The following ASCC2 variants were observed in gnomAD, a reference collection of about 807,000 sequenced individuals.
ASCC2 encodes ASC-1 complex subunit P100.
Under a neutral mutation model 93.5 loss-of-function variants are expected in ASCC2, and 42 were observed. The ratio of observed to expected loss-of-function variants is 0.45; its 90% confidence interval spans 0.35 to 0.58. The LOEUF (loss-of-function observed/expected upper bound fraction) is 0.58, where lower values mean the gene tolerates loss of function less well. Ranked by LOEUF, ASCC2 falls within the 20% of genes least tolerant of loss-of-function variation. The pLI is 0.00. For synonymous variants in ASCC2, 364 were observed against 384.2 expected, an observed-to-expected ratio of 0.95 and a Z score of 0.62; for missense variants, 859 against 977.6, an observed-to-expected ratio of 0.88 and a Z score of 1.62.
intron 8 of ASCC2, 113 bp downstream of exon 8, chr22:29,813,317 G>A (rs2060489290): frequency 1.3e-6 from 1 of 757,402 alleles, no homozygotes; most frequent in African/African-American, 1.7e-5. Flanking sequence ...CAGGCTGGAA[G>A]AGGGACTGGT....
chr22:29,792,670 C>T, intron 17 of ASCC2, 135 bp from the exon 18 acceptor site: 2 of 1,244,358 alleles, frequency 1.6e-6, no homozygotes. Flanking sequence ...AAAAGCCTTT[C>T]AAGCCAGATT....
At chr22:29,794,863 C>G (rs571437295) in intron 15 of ASCC2, among the ~76,000 whole-genome samples, 1 of 152,124 alleles carries the variant, frequency 6.6e-6, no homozygotes, top group African/African-American at 2.4e-5. Context: ...TATGGCCACA[C>G]GCCTATGCAT....
At chr22:29,797,262 T>C (rs368914947) in intron 15 of ASCC2, among the ~76,000 whole-genome samples, 2 of 152,200 alleles carry the variant, frequency 1.3e-5, no homozygotes, top group East Asian at 1.9e-4. Flanking sequence ...CCTGGGAATA[T>C]GCAGGTGCCC....
intron 2 of ASCC2, among the ~76,000 whole-genome samples, chr22:29,827,168 T>G (rs1446160135): frequency 6.6e-6 from 1 of 151,968 alleles, no homozygotes; most frequent in Admixed American, 6.6e-5. Flanking sequence ...CCTTTTTTTT[T>G]GTTTTTTATT....
chr22:29,822,551 T>G, intron 4 of ASCC2, 87 bp from the exon 5 acceptor site: 1 of 1,490,938 alleles, frequency 6.7e-7, no homozygotes, highest in Non-Finnish European at 9.1e-7. Flanking sequence ...CGATCTTTGG[T>G]TCCATCAAAT....
At chr22:29,807,861 A>G (rs2059857178) in intron 9 of ASCC2, among the ~76,000 whole-genome samples, 1 of 151,690 alleles carries the variant, frequency 6.6e-6, no homozygotes, top group African/African-American at 2.4e-5. Context: ...GTGAGCTGTG[A>G]CTGCACCACT....
chr22:29,803,978 T>C (rs1027813644), intron 13 of ASCC2, among the ~76,000 whole-genome samples: 2 of 152,206 alleles, frequency 1.3e-5, no homozygotes, highest in Non-Finnish European at 2.9e-5. Flanking sequence ...ACCTTATAGA[T>C]GAGGAACCAA....
At chr22:29,812,495 C>T (rs1356437720) in intron 8 of ASCC2, among the ~76,000 whole-genome samples, 3 of 152,238 alleles carry the variant, frequency 2.0e-5, no homozygotes, top group Admixed American at 2.0e-4. Context: ...CTAACAGCTC[C>T]TTTGGATAAA....
At chr22:29,827,480 A>T (rs2052305166) in intron 2 of ASCC2, 3 of 431,814 alleles carry the variant, frequency 6.9e-6, no homozygotes, top group Middle Eastern at 3.5e-4. Flanking sequence ...GCCTTACGCG[A>T]GTTTCCAAAC....
At chr22:29,832,913 T>A (rs981617919) in intron 1 of ASCC2, among the ~76,000 whole-genome samples, 1 of 152,158 alleles carries the variant, frequency 6.6e-6, no homozygotes. Flanking sequence ...GCTAATTTTT[T>A]AATTTTTTGT....
chr22:29,792,031 T>C (rs1018099561), intron 18 of ASCC2, among the ~76,000 whole-genome samples: 4 of 152,300 alleles, frequency 2.6e-5, no homozygotes, highest in Admixed American at 2.6e-4. Context: ...AAATAAAAAG[T>C]TTAGCTGCTA....
At chr22:29,832,898 G>A (rs899185997) in intron 1 of ASCC2, among the ~76,000 whole-genome samples, 6 of 152,014 alleles carry the variant, frequency 3.9e-5, no homozygotes, top group Non-Finnish European at 8.8e-5. Flanking sequence ...GCACCACTAC[G>A]GCCAGCTAAT....
chr22:29,830,712 C>G (rs778052491), intron 2 of ASCC2, among the ~76,000 whole-genome samples: 8 of 152,226 alleles, frequency 5.3e-5, no homozygotes, highest in Admixed American at 4.6e-4. Context: ...TCTCTTAGGT[C>G]GTGGGCTCTT....
chr22:29,807,964 A>C lies in ASCC2; in HGVS notation c.908+147T>G. On this transcript the variant is annotated intron_variant, in intron 9 of 19. Coordinates refer to ENST00000307790, the MANE Select transcript of ASCC2 (RefSeq NM_032204.5). ...CAAATGCAGAGGTCAGGAAGTGGCT[A>C]GATAGGGATGCAGAAGCTCAAAGCT... 4 of 710,546 alleles carry C rather than the reference A, an allele frequency of 5.6e-6. No homozygotes were observed. In the East Asian group the frequency reaches 1.1e-4, roughly 19 times the overall value. 44.0% of individuals were successfully genotyped at this position (710,546 alleles called of 1,614,324 possible).
Position 29,825,151 on chromosome 22 carries a change from T to G in ASCC2, c.347A>C (p.Gln116Pro), listed in dbSNP as rs565306711. Reference protein sequence around the residue: ...VASAPEVVDMQKRLHRSVFLT... With the variant: ...VASAPEVVDMPKRLHRSVFLT... ...AAAAACACTTCGATGGAGGCGCTTC[T>G]GCATGTCAACAACCTCAGGGGCTGA... Residue 116 changes from glutamine (Q) to proline (P), a missense_variant, in exon 4 of 20, where the codon CAG becomes CCG. Transcript: ENST00000307790. This position sits in a 1 kb window ranked among gnomAD's most constrained non-coding sequence, Gnocchi z 4.9. 6.4e-7 allele frequency: 1 copy of G among 1,555,942 alleles called. No individual in the cohort carries two copies. The highest frequency in any genetic ancestry group is 1.2e-5 in the South Asian group (1 of 83,434).
chr22:29,801,470 C>T (rs2059073461), intron 14 of ASCC2, among the ~76,000 whole-genome samples: 2 of 135,446 alleles, frequency 1.5e-5, no homozygotes, highest in African/African-American at 3.2e-5. Flanking sequence ...GGAACTTGTC[C>T]AAAGGCACAA....
At chr22:29,796,202 G>A (rs994213399) in intron 15 of ASCC2, among the ~76,000 whole-genome samples, 2 of 152,026 alleles carry the variant, frequency 1.3e-5, no homozygotes, top group Admixed American at 6.5e-5. Context: ...TCCACCAGCC[G>A]GGTTCAAGCG....
intron 1 of ASCC2, among the ~76,000 whole-genome samples, chr22:29,833,060 G>A (rs373014532): frequency 3.3e-5 from 5 of 152,196 alleles, no homozygotes; most frequent in East Asian, 3.9e-4. Flanking sequence ...TCACAGGTGT[G>A]AGCCTCTGTG....
rs1381130166 is a variant in ASCC2, at chr22:29,835,724, T to A, written c.-18+2454A>T. Among the ~76,000 whole-genome samples the A allele has an allele frequency of 3.3e-5, 5 of 152,152 alleles. No homozygotes were observed. The East Asian group carries it at 7.7e-4, about 23-fold the overall frequency. Reference sequence around the variant, plus strand: ...GCACATAATAAGCACTCAATAAAGTTTAGTTGTTGTTATTATTCAAGTCCC... The same window carrying A: ...GCACATAATAAGCACTCAATAAAGTATAGTTGTTGTTATTATTCAAGTCCC... On this transcript the variant is annotated intron_variant, in intron 1 of 19. Coordinates refer to ENST00000307790, the MANE Select transcript of ASCC2 (RefSeq NM_032204.5).
Sources: gnomAD v4.1 joint callset for allele counts (sites outside exome capture counted in the v4.1 genomes callset) on GRCh38, gnomAD v4.1.1 for gene constraint, Gnocchi (gnomAD v3.1) non-coding constraint, MANE v1.5 for transcripts, NCBI Gene and HGNC (gene_info 2026-07-23, HGNC 2026-07-21) for gene names.